GLIS3: variants seen among roughly 807,000 people sequenced by gnomAD.
GLIS3 encodes the protein zinc finger protein GLIS3.
Under a neutral mutation model 78.6 loss-of-function variants are expected in GLIS3, and 53 were observed. The observed-to-expected ratio is 0.67, with a 90% confidence interval of 0.54 to 0.85. GLIS3 has a LOEUF of 0.85. GLIS3 is among the 40% of genes least tolerant of loss of function. The pLI is 0.00. For synonymous variants in GLIS3, 684 were observed against 509.9 expected (o/e 1.34, Z -4.60); for missense variants, 1,703 against 1,231.1 (o/e 1.38, Z -5.74).
chr9:4,034,898 T>C (rs7853251), intron 4 of GLIS3: 49,923 of 151,812 alleles, frequency 0.33, 9,322 homozygotes, highest in African/African-American at 0.51. Context: ...CACAAATGTG[T>C]GTGTGGCAGG....
chr9:4,216,781 T>C (rs1820891662), intron 2 of GLIS3, among the ~76,000 whole-genome samples: 1 of 152,172 alleles, frequency 6.6e-6, no homozygotes, highest in South Asian at 2.1e-4. Context: ...TAGCTGTTCA[T>C]TCTCCACCTG....
At position 4,030,301 on chromosome 9, in the gene GLIS3, T is replaced by A. The variant is rs1049006444; in HGVS notation, c.1710+87467A>T. ...CCAATTTTTTGACTGGATTATTAGA[T>A]TTTTTTCCTAGAGTTATTTGAGTTC... On this transcript the variant is annotated intron_variant, in intron 4 of 10. Coordinates refer to ENST00000381971, the MANE Select transcript of GLIS3 (RefSeq NM_001042413.2). 3.3e-5 allele frequency among the ~76,000 whole-genome samples: 5 copies of A among 152,188 alleles called. 1 individual carries two copies. Among genetic ancestry groups the A allele is most frequent in the Non-Finnish European group, 5.9e-5 (4 of 68,026 alleles).
In GLIS3 at chr9:3,827,111, G is replaced by A. The variant is rs947373688; in HGVS notation, c.*1161C>T. The A allele has an allele frequency of 6.6e-6, 1 of 152,204 alleles. No homozygotes were observed. The highest frequency in any genetic ancestry group is 2.4e-5 in the African/African-American group (1 of 41,444). 9.4% of individuals were successfully genotyped at this position (152,204 alleles called of 1,614,324 possible). A position where few individuals can be genotyped will look rare whatever the true frequency, so the allele number is the denominator to read the frequency against. On this transcript the variant is annotated 3_prime_UTR_variant, in exon 11 of 11. Transcript: ENST00000381971. ...CCAAGATGATCAGACAATGGCGGCTGGTGGGGATATATGAACCACAGTCAG... is the reference window on the plus strand; with the variant it reads ...CCAAGATGATCAGACAATGGCGGCTAGTGGGGATATATGAACCACAGTCAG...
At chr9:3,847,361 T>G (rs1819120469) in intron 9 of GLIS3, among the ~76,000 whole-genome samples, 1 of 152,252 alleles carries the variant, frequency 6.6e-6, no homozygotes, top group Non-Finnish European at 1.5e-5. Context: ...CAAAAATCCC[T>G]TTATTCTTGT....
At chr9:3,983,571 G>A (rs1398750285) in intron 4 of GLIS3, among the ~76,000 whole-genome samples, 1 of 152,188 alleles carries the variant, frequency 6.6e-6, no homozygotes, top group Admixed American at 6.5e-5. Flanking sequence ...CAAAAATGCT[G>A]AGAGTGGTGT....
chr9:4,165,405 C>T (rs1009822690), intron 2 of GLIS3, among the ~76,000 whole-genome samples: 125 of 152,214 alleles, frequency 8.2e-4, no homozygotes, highest in African/African-American at 2.8e-3. Flanking sequence ...CATGCCATTG[C>T]ACTCCAGCCT....
chr9:4,473,024 G>A, the GLIS3 span, among the ~76,000 whole-genome samples: 2 of 152,126 alleles, frequency 1.3e-5, no homozygotes, highest in African/African-American at 4.8e-5. Flanking sequence ...AGATCTTTCA[G>A]GAATCACCAC....
intron 7 of GLIS3, among the ~76,000 whole-genome samples, chr9:3,893,689 C>T (rs1306195521): frequency 2.0e-5 from 3 of 152,178 alleles, no homozygotes; most frequent in Admixed American, 6.5e-5. Context: ...GGCTGAAAAA[C>T]ATTTGACCAG....
intron 2 of GLIS3, among the ~76,000 whole-genome samples, chr9:4,138,153 C>G (rs974347112): frequency 7.2e-5 from 11 of 152,142 alleles, no homozygotes; most frequent in Non-Finnish European, 1.6e-4. Flanking sequence ...GTGGACACAT[C>G]TGTGAAAATA....
chr9:3,929,653 A>C (rs1227581127), intron 6 of GLIS3, among the ~76,000 whole-genome samples: 1 of 152,180 alleles, frequency 6.6e-6, no homozygotes, highest in Admixed American at 6.5e-5. Flanking sequence ...TATATTAAAT[A>C]AGCCCATGAC....
At chr9:3,986,010 A>C (rs1819714302) in intron 4 of GLIS3, among the ~76,000 whole-genome samples, 1 of 152,270 alleles carries the variant, frequency 6.6e-6, no homozygotes, top group South Asian at 2.1e-4. Context: ...AATTAAAAAG[A>C]AATTAAGCAA....
chr9:4,263,447 T>C (rs1166350130), intron 2 of GLIS3, among the ~76,000 whole-genome samples: 3 of 152,148 alleles, frequency 2.0e-5, no homozygotes, highest in South Asian at 2.1e-4. Context: ...GATAATCATA[T>C]AATTTTGCCC....
the GLIS3 span, among the ~76,000 whole-genome samples, chr9:4,417,197 T>A: frequency 6.6e-6 from 1 of 152,190 alleles, no homozygotes; most frequent in Non-Finnish European, 1.5e-5. Flanking sequence ...TATAGTGATT[T>A]GTGGACTGAA....
chr9:4,352,455 G>A (rs1436143958), upstream of GLIS3, among the ~76,000 whole-genome samples: 5 of 152,376 alleles, frequency 3.3e-5, no homozygotes, highest in South Asian at 4.1e-4. Context: ...AGAGGACTAA[G>A]GCATGGTGGG....
At chr9:4,362,130 C>T in the GLIS3 span, among the ~76,000 whole-genome samples, 1 of 152,334 alleles carries the variant, frequency 6.6e-6, no homozygotes, top group Admixed American at 6.5e-5. Flanking sequence ...CCTAGGGAGG[C>T]AGCTGTCAAG....
At chr9:3,911,230 G>C (rs756825925) in intron 6 of GLIS3, among the ~76,000 whole-genome samples, 2 of 152,090 alleles carry the variant, frequency 1.3e-5, no homozygotes, top group Non-Finnish European at 2.9e-5. Context: ...GACAATTGAA[G>C]TTCCCTGCTC....
rs186707948 is a variant in GLIS3, at chr9:4,332,435, A to G, written n.264+14646T>C. Among the ~76,000 whole-genome samples, 293 of 152,302 alleles carry G rather than the reference A, an allele frequency of 1.9e-3. 1 individual carries two copies. Among genetic ancestry groups the G allele is most frequent in the African/African-American group, 6.7e-3 (278 of 41,560 alleles). On this transcript the variant is annotated intron_variant and non_coding_transcript_variant, in intron 2 of 4. Coordinates refer to the GLIS3 transcript ENST00000471664. Reference sequence around the variant, plus strand: ...ATCCCTGCCTTCCTTATAGCTGAGTATGGCCACGTGACTAAGTTCCAGTAC... The same window carrying G: ...ATCCCTGCCTTCCTTATAGCTGAGTGTGGCCACGTGACTAAGTTCCAGTAC...
chr9:4,475,516 TTAAA>T, the GLIS3 span, among the ~76,000 whole-genome samples: 1 of 152,196 alleles, frequency 6.6e-6, no homozygotes, highest in Non-Finnish European at 1.5e-5. Flanking sequence ...TGTGAACTTG[TTAAA>T]TAAACTATGG....
chr9:4,378,705 C>T, the GLIS3 span, among the ~76,000 whole-genome samples: 1 of 152,162 alleles, frequency 6.6e-6, no homozygotes, highest in Admixed American at 6.6e-5. Context: ...AATCCTAAAT[C>T]CAGAGGCAGA....
Sources: allele counts gnomAD v4.1 joint callset (sites outside exome capture counted in the v4.1 genomes callset), GRCh38; gene constraint gnomAD v4.1.1; transcripts MANE v1.5; gene names NCBI Gene and HGNC (gene_info 2026-07-23, HGNC 2026-07-21).